Variants in CAV1 observed in about 807,000 individuals in gnomAD.
The protein encoded by CAV1 is caveolin-1.
CAV1 carries 10 observed loss-of-function variants against 16.5 expected under a neutral mutation model. The ratio of observed to expected loss-of-function variants is 0.61; its 90% CI spans 0.37 to 1.03. The LOEUF (loss-of-function observed/expected upper bound fraction) is 1.03, where lower values mean the gene tolerates loss of function less well. CAV1 is among the 50% of genes least tolerant of loss of function. The pLI is 0.01. For synonymous variants in CAV1, 76 were observed against 85.1 expected, an observed-to-expected ratio of 0.89 and a Z score of 0.59; for missense variants, 212 against 232.8, an observed-to-expected ratio of 0.91 and a Z score of 0.58.
At chr7:116,549,943 A>G (rs1255729477) in intron 2 of CAV1, among the ~76,000 whole-genome samples, 1 of 152,166 alleles carries the variant, frequency 6.6e-6, no homozygotes, top group Non-Finnish European at 1.5e-5. Context: ...CCTTCCTTCA[A>G]TGGGGAAATA....
chr7:116,549,322 C>T (rs13242816), intron 2 of CAV1, among the ~76,000 whole-genome samples: 11,962 of 152,150 alleles, frequency 0.079, 656 homozygotes, highest in East Asian at 0.21. Context: ...ATTCAGGTCA[C>T]GGGAGAAAAC....
intron 2 of CAV1, among the ~76,000 whole-genome samples, chr7:116,530,395 A>ACT (rs1230690503): frequency 2.6e-5 from 4 of 152,148 alleles, no homozygotes; most frequent in Non-Finnish European, 4.4e-5. Flanking sequence ...AATATAATAT[A>ACT]TATGATAAGG....
chr7:116,559,343 T>C lies in CAV1; in HGVS notation c.*56T>C. ...TTTTTTTTCCTTTTAATTTTCCTGGTGCCAATTTCAAGTTCCAAGTTGCTA... is the reference window on the plus strand; with the variant it reads ...TTTTTTTTCCTTTTAATTTTCCTGGCGCCAATTTCAAGTTCCAAGTTGCTA... On this transcript the variant is annotated 3_prime_UTR_variant, in exon 3 of 3. Coordinates refer to ENST00000341049, the MANE Select transcript of CAV1 (RefSeq NM_001753.5). 2.9e-6 allele frequency: 4 copies of C among 1,356,974 alleles called. No homozygotes were observed. The allele number at this position is 1,356,974 out of a possible 1,614,324, so 84.1% of individuals were successfully genotyped here. A position where few individuals can be genotyped will look rare whatever the true frequency, so the allele number is the denominator to read the frequency against.
At chr7:116,545,021 A>G (rs1272676938) in intron 2 of CAV1, among the ~76,000 whole-genome samples, 2 of 152,266 alleles carry the variant, frequency 1.3e-5, no homozygotes, top group Non-Finnish European at 2.9e-5. Context: ...AAGTCACAGT[A>G]CAGCAAGGCA....
chr7:116,544,251 T>G (rs1056449740), intron 2 of CAV1, among the ~76,000 whole-genome samples: 2 of 152,212 alleles, frequency 1.3e-5, no homozygotes, highest in East Asian at 3.8e-4. Flanking sequence ...AATCACTAAT[T>G]CTTACGCCAG....
chr7:116,526,196 T>G, intron 1 of CAV1: 1 of 830,210 alleles, frequency 1.2e-6, no homozygotes, highest in Non-Finnish European at 1.5e-6. Context: ...GGGTCCTGCG[T>G]GCTGAGCCGG....
intron 2 of CAV1, among the ~76,000 whole-genome samples, chr7:116,547,204 G>T (rs1794069033): frequency 6.6e-6 from 1 of 152,150 alleles, no homozygotes; most frequent in African/African-American, 2.4e-5. Context: ...CTGAGTGTCT[G>T]GGGATTAGAA....
chr7:116,553,845 G>A (rs1794211729), intron 2 of CAV1, among the ~76,000 whole-genome samples: 1 of 152,156 alleles, frequency 6.6e-6, no homozygotes. Flanking sequence ...GTGAGAAAGA[G>A]GCATCATCAT....
At chr7:116,555,596 GAAA>G (rs1794274634) in intron 2 of CAV1, among the ~76,000 whole-genome samples, 7 of 81,904 alleles carry the variant, frequency 8.5e-5, no homozygotes, top group African/African-American at 3.5e-4. Flanking sequence ...AAGAAAGAAA[GAAA>G]GAAAGAGAAA....
rs1238889695 is a variant in CAV1 at position 116,525,943 on chromosome 7, GGGGCGC to G, written c.31-577_31-572del. The G allele has an allele frequency of 1.1e-5, 7 of 638,084 alleles. No individual in the cohort carries two copies. In the South Asian group the frequency reaches 4.0e-4, roughly 37 times the overall value. The allele number at this position is 638,084 out of a possible 1,614,324, so 39.5% of individuals were successfully genotyped here. A position where few individuals can be genotyped will look rare whatever the true frequency, so the allele number is the denominator to read the frequency against. On this transcript the variant is annotated intron_variant, in intron 1 of 2. Coordinates refer to ENST00000341049, the MANE Select transcript of CAV1 (RefSeq NM_001753.5). ...ACAAGAGAGGGCCGAGGCAGGGTGG[GGGGCGC>G]GGGCAGGTGCGAGGGGGATGCGGCC...
In CAV1 at chr7:116,559,996, C is replaced by T. The variant is rs1446626657; in HGVS notation, c.*709C>T. 2 of 396,508 alleles carry T rather than the reference C, an allele frequency of 5.0e-6. No individual in the cohort carries two copies. The highest frequency in any genetic ancestry group is 7.1e-5 in the East Asian group (2 of 28,020). The allele number at this position is 396,508 out of a possible 1,614,324, so 24.6% of individuals were successfully genotyped here. On this transcript the variant is annotated 3_prime_UTR_variant, in exon 3 of 3. Coordinates refer to ENST00000341049, the MANE Select transcript of CAV1 (RefSeq NM_001753.5). ...TCAAATAGGGTCTAACTCAGCAACT[C>T]GCTTTAGGTCAGCAGCCTCCCTGAA...
At chr7:116,525,030 C>G, upstream of CAV1, 1 of 1,613,944 alleles carries the variant, frequency 6.2e-7, no homozygotes, top group Non-Finnish European at 8.5e-7. Flanking sequence ...CCAGGGAAAC[C>G]TCCTCACAGT....
At chr7:116,526,967 C>T in intron 2 of CAV1, 2 of 491,886 alleles carry the variant, frequency 4.1e-6, no homozygotes, top group Non-Finnish European at 7.5e-6. Flanking sequence ...CACTTTTATC[C>T]TAGCAAATGA....
intron 2 of CAV1, among the ~76,000 whole-genome samples, chr7:116,548,988 G>T (rs562668659): frequency 2.0e-5 from 3 of 152,158 alleles, no homozygotes; most frequent in Non-Finnish European, 4.4e-5. Flanking sequence ...GATGTCCCTT[G>T]TTCTATGCAT....
chr7:116,529,907 T>C (rs1289124124), intron 2 of CAV1, among the ~76,000 whole-genome samples: 1 of 152,224 alleles, frequency 6.6e-6, no homozygotes, highest in Non-Finnish European at 1.5e-5. Flanking sequence ...TTCTGTGTCA[T>C]CTTTTGTTCA....
At chr7:116,544,126 G>A (rs760159420) in intron 2 of CAV1, among the ~76,000 whole-genome samples, 2 of 152,114 alleles carry the variant, frequency 1.3e-5, no homozygotes, top group Admixed American at 6.6e-5. Flanking sequence ...AAATCTGTAG[G>A]TTTTAACTCA....
At chr7:116,540,183 T>C (rs1793907993) in intron 2 of CAV1, among the ~76,000 whole-genome samples, 1 of 152,170 alleles carries the variant, frequency 6.6e-6, no homozygotes, top group Admixed American at 6.5e-5. Flanking sequence ...GAAATTTCTC[T>C]TTGCCTCAGA....
intron 2 of CAV1, among the ~76,000 whole-genome samples, chr7:116,557,931 C>T (rs1794325139): frequency 1.3e-5 from 2 of 152,138 alleles, no homozygotes; most frequent in South Asian, 4.1e-4. Context: ...TCAGTCTGGC[C>T]TCAACCTGTC....
At chr7:116,546,870 G>C (rs986353885) in intron 2 of CAV1, among the ~76,000 whole-genome samples, 10 of 152,016 alleles carry the variant, frequency 6.6e-5, no homozygotes, top group African/African-American at 2.4e-4. Context: ...AATTTCTTGG[G>C]GACAAATTTC....
Sources: gnomAD v4.1 joint callset for allele counts (sites outside exome capture counted in the v4.1 genomes callset) on GRCh38, gnomAD v4.1.1 for gene constraint, MANE v1.5 for transcripts, NCBI Gene and HGNC (gene_info 2026-07-23, HGNC 2026-07-21) for gene names.